APBB2: variants seen among roughly 807,000 people sequenced by gnomAD.
The protein encoded by APBB2 is amyloid beta precursor protein binding family B member 2, also known as Fe65-like 1.
In APBB2, 38 loss-of-function variants were observed where a neutral mutation model predicts 82.5. That is an observed-to-expected ratio of 0.46 (90% CI 0.36 to 0.60). APBB2 has a LOEUF of 0.60. Among genes scored for constraint, APBB2 ranks in the 20% least tolerant of loss-of-function variants. The pLI is 0.00. For synonymous variants in APBB2, 341 were observed against 368.2 expected (o/e 0.93, Z 0.85); for missense variants, 772 against 972.3 (o/e 0.79, Z 2.74).
rs1013245567 is a variant in APBB2, at chr4:41,098,558, T to G, written c.-149+2081A>C. Among the ~76,000 whole-genome samples the G allele has an allele frequency of 2.0e-5, 3 of 152,210 alleles. No individual in the cohort carries two copies. The South Asian group carries it at 6.2e-4, about 31-fold the overall frequency. Reference sequence around the variant, plus strand: ...TAACACAGGGCTGTCTTTAGCTTACTGTAAACACACAAGTCCCACAGATGC... The same window carrying G: ...TAACACAGGGCTGTCTTTAGCTTACGGTAAACACACAAGTCCCACAGATGC... On this transcript the variant is annotated intron_variant, in intron 3 of 17. Coordinates refer to ENST00000508593, the MANE Select transcript of APBB2 (RefSeq NM_004307.2).
chr4:40,849,208 TC>T (rs1291158250), intron 12 of APBB2, among the ~76,000 whole-genome samples: 1 of 152,212 alleles, frequency 6.6e-6, no homozygotes, highest in Non-Finnish European at 1.5e-5. Flanking sequence ...TATCCTGTTT[TC>T]ATGTCAGCTG....
chr4:40,953,646 T>C (rs763067999), intron 6 of APBB2, among the ~76,000 whole-genome samples: 6 of 152,190 alleles, frequency 3.9e-5, no homozygotes, highest in Admixed American at 6.5e-5. Flanking sequence ...CATATATTTC[T>C]AAAACCCTCG....
intron 12 of APBB2, among the ~76,000 whole-genome samples, chr4:40,888,493 CCA>C (rs1770970782): frequency 6.6e-6 from 1 of 152,082 alleles, no homozygotes; most frequent in South Asian, 2.1e-4. Context: ...GTAACAAGCT[CCA>C]CACTTTGGCT....
chr4:41,128,017 T>C (rs1398958398), intron 2 of APBB2, among the ~76,000 whole-genome samples: 4 of 152,042 alleles, frequency 2.6e-5, no homozygotes, highest in Non-Finnish European at 5.9e-5. Context: ...GAGGCGGAGA[T>C]TGCAGTATGC....
chr4:40,858,089 C>T (rs1761859683), intron 12 of APBB2, among the ~76,000 whole-genome samples: 1 of 152,010 alleles, frequency 6.6e-6, no homozygotes, highest in Non-Finnish European at 1.5e-5. Context: ...ACAGGCACCC[C>T]AACATTGTCA....
intron 6 of APBB2, among the ~76,000 whole-genome samples, chr4:40,971,834 T>C (rs1795995030): frequency 6.6e-6 from 1 of 152,204 alleles, no homozygotes; most frequent in Admixed American, 6.5e-5. Context: ...CCTTAAATTC[T>C]TGATCTACAT....
intron 5 of APBB2, 96 bp downstream of exon 5, chr4:41,033,140 T>G: frequency 1.2e-6 from 1 of 848,346 alleles, no homozygotes; most frequent in Admixed American, 2.5e-5. Flanking sequence ...ACATGTTATT[T>G]TAGCAAATCA....
intron 4 of APBB2, among the ~76,000 whole-genome samples, chr4:41,042,357 C>A (rs1171188886): frequency 6.6e-6 from 1 of 152,200 alleles, no homozygotes; most frequent in East Asian, 1.9e-4. Context: ...ATGTTTAATG[C>A]TTCTAAGATG....
intron 1 of APBB2, among the ~76,000 whole-genome samples, chr4:41,154,829 T>G (rs1763070186): frequency 2.0e-5 from 3 of 152,202 alleles, no homozygotes; most frequent in Admixed American, 2.0e-4. Flanking sequence ...CTCCAACATA[T>G]GTGCTCATGT....
chr4:40,863,848 C>G (rs1336422914), intron 12 of APBB2, among the ~76,000 whole-genome samples: 4 of 135,264 alleles, frequency 3.0e-5, no homozygotes, highest in Non-Finnish European at 4.6e-5. Context: ...GAGCTGAGAT[C>G]ACACCACTGC....
At chr4:40,825,829 G>A (rs970953953) in intron 15 of APBB2, 58 bp downstream of exon 15, 31 of 1,405,292 alleles carry the variant, frequency 2.2e-5, no homozygotes, top group African/African-American at 2.8e-5. Flanking sequence ...GAGGGCGAAC[G>A]CCTCCTGTGA....
intron 4 of APBB2, among the ~76,000 whole-genome samples, chr4:41,060,742 T>A (rs1729517133): frequency 6.6e-6 from 1 of 152,154 alleles, no homozygotes; most frequent in Non-Finnish European, 1.5e-5. Context: ...ACGACTCTGC[T>A]GCACCCCATG....
At position 40,827,229 on chromosome 4, in the gene APBB2, A is replaced by G. The variant is rs775679158; in HGVS notation, c.1645-10T>C. The stretch of plus-strand genomic sequence containing the variant: ...TCCGTTCAGCCATAATCTAAGGGGG[A>G]AAAAGTGCAGCTTTGGAGCGTGGGT... On this transcript the variant is annotated splice_polypyrimidine_tract_variant and intron_variant, in intron 13 of 17. Coordinates refer to ENST00000508593, the MANE Select transcript of APBB2 (RefSeq NM_004307.2). 8 of 1,613,542 alleles carry G rather than the reference A, an allele frequency of 5.0e-6. No homozygotes were observed. The South Asian group carries it at 5.5e-5, about 11-fold the overall frequency.
At chr4:40,863,204 G>A (rs1421461779) in intron 12 of APBB2, among the ~76,000 whole-genome samples, 1 of 152,134 alleles carries the variant, frequency 6.6e-6, no homozygotes, top group Non-Finnish European at 1.5e-5. Context: ...TAATAATGAA[G>A]TACATTCGGG....
intron 13 of APBB2, 115 bp from the exon 14 acceptor site, chr4:40,827,334 C>T: frequency 1.2e-6 from 1 of 815,480 alleles, no homozygotes; most frequent in Non-Finnish European, 2.0e-6. Flanking sequence ...CAGCTTTAGT[C>T]TATTGCCTGA....
At chr4:41,186,095 T>C (rs1772821988) in intron 1 of APBB2, among the ~76,000 whole-genome samples, 1 of 152,308 alleles carries the variant, frequency 6.6e-6, no homozygotes, top group African/African-American at 2.4e-5. Context: ...TTTATAACCA[T>C]AAATATGAAT....
chr4:40,977,117 T>C (rs1797365367), intron 6 of APBB2, among the ~76,000 whole-genome samples: 1 of 152,160 alleles, frequency 6.6e-6, no homozygotes. Flanking sequence ...AAATGCACTG[T>C]CCATCTTCTT....
chr4:40,916,015 G>C (rs1026910922), intron 10 of APBB2, among the ~76,000 whole-genome samples: 2 of 152,178 alleles, frequency 1.3e-5, no homozygotes. Flanking sequence ...AACACTCAGG[G>C]AAATGGTCCC....
intron 10 of APBB2, among the ~76,000 whole-genome samples, chr4:40,901,471 A>G (rs1162670483): frequency 6.6e-6 from 1 of 152,080 alleles, no homozygotes; most frequent in East Asian, 1.9e-4. Context: ...CCTCTTCAGA[A>G]GGGCAGGCTG....
Sources: allele counts gnomAD v4.1 joint callset (sites outside exome capture counted in the v4.1 genomes callset), GRCh38; gene constraint gnomAD v4.1.1; transcripts MANE v1.5; gene names NCBI Gene and HGNC (gene_info 2026-07-23, HGNC 2026-07-21).